PTPRB: variants seen among roughly 807,000 people sequenced by gnomAD.
The protein encoded by PTPRB is protein tyrosine phosphatase receptor type B.
A neutral mutation model predicts 238.1 loss-of-function variants in PTPRB; 97 were observed. The observed-to-expected ratio is 0.41, with a 90% CI of 0.35 to 0.48. PTPRB has a LOEUF of 0.48. PTPRB is among the 20% of genes least tolerant of loss of function. The pLI is 0.30. For missense variants in PTPRB, 2,292 were observed against 2,681.9 expected (o/e 0.85, Z 3.21); for synonymous variants, 970 against 995.4 (o/e 0.97, Z 0.48).
In PTPRB at chr12:70,622,471, A is replaced by T; in HGVS notation, c.627T>A (p.His209Gln). The T allele has an allele frequency of 6.2e-7, 1 of 1,613,426 alleles. No individual in the cohort carries two copies. Among genetic ancestry groups the T allele is most frequent in the Non-Finnish European group, 8.5e-7 (1 of 1,179,686 alleles). The change falls in exon 3 of 34, where the codon CAT (histidine) becomes CAA (glutamine). Residue 209 changes from histidine to glutamine, a missense_variant. Transcript: ENST00000334414. ...TAATTCCAGTCATGTGCAGATTGGGATGCTGCCTCTCGCTGCTGTTTTGGC... is the reference window on the plus strand; with the variant it reads ...TAATTCCAGTCATGTGCAGATTGGGTTGCTGCCTCTCGCTGCTGTTTTGGC... Reference protein sequence around the residue: ...NYSQNSSERQHPNLHMTGITD... With the variant: ...NYSQNSSERQQPNLHMTGITD...
chr12:70,571,792 CAACT>C (rs766798004), intron 12 of PTPRB, 28 bp downstream of exon 12: 23 of 1,591,926 alleles, frequency 1.4e-5, no homozygotes, highest in African/African-American at 6.8e-5. Context: ...CAAGTCCAAC[CAACT>C]GTCAGATTTT....
rs147020436 is a variant in PTPRB at position 70,573,460 on chromosome 12, A to T, written c.2843-1373T>A. Among the ~76,000 whole-genome samples the T allele has an allele frequency of 7.6e-3, 1,152 of 151,744 alleles. 16 individuals are homozygous for T. The highest frequency in any genetic ancestry group is 0.026 in the African/African-American group (1,078 of 41,394). ...AAAATTACTAACTAGATGCCTAAAA[A>T]GTAAAGGTGGCAGTTGATGCATGGT... On this transcript the variant is annotated intron_variant, in intron 11 of 33. Transcript: ENST00000334414.
At chr12:70,590,940 G>GTTTTTTTTT (rs35496972) in intron 7 of PTPRB, among the ~76,000 whole-genome samples, 3 of 102,860 alleles carry the variant, frequency 2.9e-5, no homozygotes, top group Non-Finnish European at 3.8e-5. Context: ...TTTCCTCCAA[G>GTTTTTTTTT]TTTTTTTTTT....
At chr12:70,613,469 C>T (rs1271063901) in intron 3 of PTPRB, among the ~76,000 whole-genome samples, 1 of 152,048 alleles carries the variant, frequency 6.6e-6, no homozygotes, top group African/African-American at 2.4e-5. Flanking sequence ...ATTTCCTCTT[C>T]TTCAGCCACT....
intron 28 of PTPRB, among the ~76,000 whole-genome samples, chr12:70,537,306 A>C (rs1388623611): frequency 7.0e-6 from 1 of 142,692 alleles, no homozygotes; most frequent in Non-Finnish European, 1.5e-5. Context: ...AAAAAAAAAA[A>C]AAGAAAGAAA....
At chr12:70,593,513 C>CAAAAA (rs71437149) in intron 6 of PTPRB, among the ~76,000 whole-genome samples, 1 of 36,714 alleles carries the variant, frequency 2.7e-5, no homozygotes, top group Non-Finnish European at 4.9e-5. Context: ...AACTCTGTCT[C>CAAAAA]AAAAAAAAAA....
At chr12:70,522,677 T>G (rs1279310159) in intron 33 of PTPRB, 1 of 151,426 alleles carries the variant, frequency 6.6e-6, no homozygotes, top group East Asian at 2.0e-4. Flanking sequence ...AAGTGTTATG[T>G]GCTTATTCTA....
Position 70,536,060 on chromosome 12 carries a change from T to G in PTPRB, c.6046A>C (p.Ile2016Leu). 1 of 1,613,838 alleles carries G rather than the reference T, an allele frequency of 6.2e-7. No homozygotes were observed. The highest frequency in any genetic ancestry group is 1.1e-5 in the South Asian group (1 of 91,084). Residue 2016 changes from isoleucine (I) to leucine (L), a missense_variant, in exon 29 of 34, where the codon ATC (isoleucine) becomes CTC (leucine). By Grantham distance (5) the Ile-to-Leu change is conservative. Coordinates refer to ENST00000334414, the MANE Select transcript of PTPRB (RefSeq NM_001109754.4). Reference protein sequence around the residue: ...KMVWEQNVHNIVMVTQCVEKG... With the variant: ...KMVWEQNVHNLVMVTQCVEKG... ...TCAACACACTGGGTCACCATGACGA[T>G]GTTGTGAACGTTTTGTTCCCACACC...
rs549802603 is a variant in PTPRB at position 70,518,503 on chromosome 12, T to C, written c.*2986A>G. 1 of 152,214 alleles carries C rather than the reference T, an allele frequency of 6.6e-6. No individual in the cohort carries two copies. The highest frequency in any genetic ancestry group is 6.5e-5 in the Admixed American group (1 of 15,292). 9.4% of individuals were successfully genotyped at this position (152,214 alleles called of 1,614,324 possible). On this transcript the variant is annotated 3_prime_UTR_variant, in exon 34 of 34. Transcript: ENST00000334414. ...AGGACTATGAAATTATACTCATGGG[T>C]ATAAAAGATAATATGAACAGTAGAT... is the stretch of plus-strand genomic sequence containing the variant.
intron 11 of PTPRB, among the ~76,000 whole-genome samples, chr12:70,573,399 T>G (rs1393559360): frequency 1.3e-5 from 2 of 152,274 alleles, no homozygotes; most frequent in East Asian, 3.9e-4. Flanking sequence ...TTATTTTAGG[T>G]ACTGGTTGGT....
intron 20 of PTPRB, 129 bp downstream of exon 20, chr12:70,555,030 GA>G (rs1307275269): frequency 2.9e-5 from 30 of 1,027,932 alleles, no homozygotes; most frequent in Non-Finnish European, 4.1e-5. Flanking sequence ...CCAGCAGAGA[GA>G]GGGGTGAATG....
At chr12:70,614,720 T>A (rs1376877674) in intron 3 of PTPRB, among the ~76,000 whole-genome samples, 2 of 152,140 alleles carry the variant, frequency 1.3e-5, no homozygotes, top group African/African-American at 4.8e-5. Context: ...AGCATAGCAA[T>A]CAGGGAAATG....
At position 70,594,594 on chromosome 12, in the gene PTPRB, G is replaced by A. The variant is rs747986988; in HGVS notation, c.1389C>T (p.Gly463=). ...AAGTAGCATGTTTGTCCACAACACC[G>A]CCATGAACTAGGATCCCTTTATCCA... ...MLMDKGILVH[G]GVVDKHATSY... Residue 463 remains glycine (G), a synonymous_variant, in exon 6 of 34, where the codon GGC becomes GGT. Coordinates refer to ENST00000334414, the MANE Select transcript of PTPRB (RefSeq NM_001109754.4). 4.4e-5 allele frequency: 71 copies of A among 1,613,800 alleles called. 2 individuals carry two copies. The South Asian group carries it at 6.3e-4, about 14-fold the overall frequency.
chr12:70,612,842 C>G (rs1311194257), intron 3 of PTPRB, among the ~76,000 whole-genome samples: 1 of 151,972 alleles, frequency 6.6e-6, no homozygotes, highest in Non-Finnish European at 1.5e-5. Flanking sequence ...CAAAAATTAG[C>G]TGGATGCTGT....
At position 70,576,667 on chromosome 12, in the gene PTPRB, GGC is replaced by G. The variant is rs1565967092; in HGVS notation, c.2579-24_2579-23del. 2.8e-4 allele frequency: 79 copies of G among 281,196 alleles called. 1 individual carries two copies. In the East Asian group the frequency reaches 3.9e-3, roughly 14 times the overall value. 17.4% of individuals were successfully genotyped at this position (281,196 alleles called of 1,614,324 possible). Reference sequence around the variant, plus strand: ...GGGACTGTGATTTTGAAAGGTGGGGGGCGGGGGGGGGGGGGAAGGGGGATTCA... The same window carrying G: ...GGGACTGTGATTTTGAAAGGTGGGGGGGGGGGGGGGGGGAAGGGGGATTCA... On this transcript the variant is annotated intron_variant, in intron 10 of 33. Coordinates refer to ENST00000334414, the MANE Select transcript of PTPRB (RefSeq NM_001109754.4).
At chr12:70,526,022 A>T (rs1872379084) in intron 32 of PTPRB, among the ~76,000 whole-genome samples, 1 of 152,196 alleles carries the variant, frequency 6.6e-6, no homozygotes. Context: ...TAGAGGTTTG[A>T]GATACAAAGT....
chr12:70,597,185 G>T (rs1021895105), intron 4 of PTPRB, among the ~76,000 whole-genome samples: 1 of 152,004 alleles, frequency 6.6e-6, no homozygotes, highest in Non-Finnish European at 1.5e-5. Flanking sequence ...GCTTCCCAAG[G>T]TGCTGGGATT....
intron 2 of PTPRB, 57 bp from the exon 3 acceptor site, chr12:70,622,703 C>T (rs950789427): frequency 1.1e-5 from 16 of 1,479,820 alleles, no homozygotes; most frequent in African/African-American, 1.4e-5. Flanking sequence ...GAATTCTTCA[C>T]ATAAAATCAA....
rs558377884 is a variant in PTPRB at position 70,609,297 on chromosome 12, C to T, written c.751G>A (p.Glu251Lys). Residue 251 changes from glutamate to lysine, a missense_variant, in exon 4 of 34, where the codon GAG (glutamate) becomes AAG (lysine). This residue lies in a region of PTPRB where 1,205 missense variants were observed against 1,287.8 expected (regional missense o/e 0.94). Transcript: ENST00000334414. ...ACAGAATGGCTGGAGGCCTTGGACT[C>T]CGCCAGGGTGAAGTTACATCTCTCT... ...EPERCNFTLA[E>K]SKASSHSVSI... 18 of 1,614,064 alleles carry T rather than the reference C, an allele frequency of 1.1e-5. No individual in the cohort carries two copies. The African/African-American group carries it at 2.4e-4, about 22-fold the overall frequency.
Sources: gnomAD v4.1 joint callset for allele counts (sites outside exome capture counted in the v4.1 genomes callset) on GRCh38, gnomAD v4.1.1 for gene constraint, gnomAD v4.1.1 regional missense constraint, MANE v1.5 for transcripts, NCBI Gene and HGNC (gene_info 2026-07-23, HGNC 2026-07-21) for gene names.